The following LYG1 variants were observed in gnomAD, a reference collection of about 807,000 sequenced individuals.
LYG1 encodes the protein lysozyme g1.
A neutral mutation model predicts 21.7 loss-of-function variants in LYG1; 17 were observed. The ratio of observed to expected loss-of-function variants is 0.78; its 90% confidence interval spans 0.54 to 1.18. LYG1 has a LOEUF of 1.18. Among genes scored for constraint, LYG1 ranks in the 50% most tolerant of loss-of-function variants. The pLI is 0.00. For synonymous variants in LYG1, 81 were observed against 87.4 expected (o/e 0.93, Z 0.41); for missense variants, 211 against 238.1 (o/e 0.89, Z 0.75).
chr2:99,295,251 A>T (rs2094133162), intron 3 of LYG1, among the ~76,000 whole-genome samples: 1 of 152,202 alleles, frequency 6.6e-6, no homozygotes, highest in African/African-American at 2.4e-5. Flanking sequence ...CTGGTTTTCT[A>T]TTTGAATTAG....
intron 4 of LYG1, among the ~76,000 whole-genome samples, chr2:99,291,734 A>G (rs1334147327): frequency 1.3e-5 from 2 of 152,132 alleles, no homozygotes; most frequent in Admixed American, 6.5e-5. Context: ...GTCCCATTCT[A>G]AGCACCCCAA....
upstream of LYG1, among the ~76,000 whole-genome samples, chr2:99,301,717 CAAA>C (rs10688800): frequency 6.3e-5 from 9 of 143,738 alleles, no homozygotes; most frequent in East Asian, 4.2e-4. Context: ...GACTGTGTTC[CAAA>C]AAAAAAACTT....
At chr2:99,286,226 A>C (rs2105288872) in intron 5 of LYG1, among the ~76,000 whole-genome samples, 2 of 152,288 alleles carry the variant, frequency 1.3e-5, no homozygotes, top group Admixed American at 1.3e-4. Flanking sequence ...GTAAGTAATA[A>C]ATTTTATTTT....
intron 1 of LYG1, among the ~76,000 whole-genome samples, chr2:99,299,057 G>A (rs997451818): frequency 6.6e-6 from 1 of 151,728 alleles, no homozygotes; most frequent in Non-Finnish European, 1.5e-5. Context: ...TCAGCCTCCT[G>A]AGTAGCTGAG....
chr2:99,299,284 CTTTTTTT>C (rs759326268), intron 1 of LYG1, among the ~76,000 whole-genome samples: 1 of 124,650 alleles, frequency 8.0e-6, no homozygotes, highest in Non-Finnish European at 1.7e-5. Context: ...TTCTTTTTTT[CTTTTTTT>C]TTTTTTTTTA....
chr2:99,298,245 A>G (rs1015219562), intron 2 of LYG1, among the ~76,000 whole-genome samples: 10 of 152,160 alleles, frequency 6.6e-5, no homozygotes, highest in Non-Finnish European at 1.5e-4. Flanking sequence ...TGTCAGACCA[A>G]GGCAGCACAG....
At position 99,284,707 on chromosome 2, in the gene LYG1, G is replaced by A; in HGVS notation, c.447C>T (p.Thr149=). The A allele has an allele frequency of 6.2e-7, 1 of 1,614,140 alleles. No homozygotes were observed. The highest frequency in any genetic ancestry group is 1.1e-5 in the South Asian group (1 of 91,078). Residue 149 remains threonine (T), a synonymous_variant, in exon 6 of 7, where the codon ACC becomes ACT. Coordinates refer to ENST00000308528, the MANE Select transcript of LYG1 (RefSeq NM_174898.3). ...ACGTACCTCTCAGGTACTGGTCAGG[G>A]GTCCAGGTTGGAAACCTCCTCTGGA... ...KEIQRRFPTW[T]PDQYLRGGLC... is the part of the protein sequence containing the mutation.
upstream of LYG1, among the ~76,000 whole-genome samples, chr2:99,303,949 A>T (rs1181683378): frequency 6.6e-6 from 1 of 152,174 alleles, no homozygotes; most frequent in Non-Finnish European, 1.5e-5. Flanking sequence ...AGGCAGGCGG[A>T]TCACGAGCTC....
At chr2:99,290,654 T>G (rs899551321) in intron 5 of LYG1, among the ~76,000 whole-genome samples, 1 of 152,170 alleles carries the variant, frequency 6.6e-6, no homozygotes, top group Non-Finnish European at 1.5e-5. Flanking sequence ...GCAGAGTTAA[T>G]TCAACAGTGG....
At position 99,291,514 on chromosome 2, in the gene LYG1, G is replaced by T. The variant is rs1574883255; in HGVS notation, c.149-93C>A. On this transcript the variant is annotated intron_variant, in intron 4 of 6. Coordinates refer to ENST00000308528, the MANE Select transcript of LYG1 (RefSeq NM_174898.3). Reference sequence around the variant, plus strand: ...GAGAGAAAGAACAATCCAAGGATCTGAGTAATGGTCGAGGACTGACAATCC... The same window carrying T: ...GAGAGAAAGAACAATCCAAGGATCTTAGTAATGGTCGAGGACTGACAATCC... 16 of 1,375,842 alleles carry T rather than the reference G, an allele frequency of 1.2e-5. No individual in the cohort carries two copies. The South Asian group carries it at 2.0e-4, about 17-fold the overall frequency. 85.2% of individuals were successfully genotyped at this position (1,375,842 alleles called of 1,614,324 possible). A position where few individuals can be genotyped will look rare whatever the true frequency, so the allele number is the denominator to read the frequency against.
intron 3 of LYG1, among the ~76,000 whole-genome samples, chr2:99,293,544 A>G (rs1449368726): frequency 2.0e-5 from 3 of 152,204 alleles, no homozygotes; most frequent in Non-Finnish European, 2.9e-5. Context: ...GCATGGGACC[A>G]GTCTCCACAT....
upstream of LYG1, among the ~76,000 whole-genome samples, chr2:99,303,975 T>C (rs1231264818): frequency 6.6e-6 from 1 of 152,074 alleles, no homozygotes; most frequent in African/African-American, 2.4e-5. Flanking sequence ...ATAGAGAACA[T>C]CCTGGCTAAC....
intron 2 of LYG1, 49 bp downstream of exon 2, chr2:99,298,410 C>G (rs1287761912): frequency 6.6e-6 from 1 of 152,300 alleles, no homozygotes; most frequent in Non-Finnish European, 1.5e-5. Context: ...CCCTCAGGAG[C>G]TACCTCATGT....
rs370542079 is a variant in LYG1 at position 99,284,683 on chromosome 2, C to T, written c.466+5G>A. On this transcript the variant is annotated splice_donor_5th_base_variant and intron_variant, in intron 6 of 6. Coordinates refer to ENST00000308528, the MANE Select transcript of LYG1 (RefSeq NM_174898.3). ...GAGACAACTGACTGATAGCGTTACA[C>T]GTACCTCTCAGGTACTGGTCAGGGG... The T allele has an allele frequency of 3.0e-5, 49 of 1,613,558 alleles. No individual in the cohort carries two copies. The highest frequency in any genetic ancestry group is 3.8e-5 in the Non-Finnish European group (45 of 1,179,682).
chr2:99,301,989 AGAGGG>A (rs1181686411), upstream of LYG1, among the ~76,000 whole-genome samples: 1 of 152,174 alleles, frequency 6.6e-6, no homozygotes, highest in East Asian at 1.9e-4. Context: ...CATGACTGAA[AGAGGG>A]AGCCCCCTCC....
intron 1 of LYG1, among the ~76,000 whole-genome samples, chr2:99,298,908 T>C (rs2094145430): frequency 6.6e-6 from 1 of 152,142 alleles, no homozygotes; most frequent in Admixed American, 6.6e-5. Flanking sequence ...AATTTTAATT[T>C]TAATTACTTT....
rs1441220056 is a variant in LYG1, at chr2:99,284,296, A to C, written c.*97T>G. The C allele has an allele frequency of 1.8e-5, 19 of 1,040,784 alleles. No homozygotes were observed. In the East Asian group the frequency reaches 2.4e-4, roughly 13 times the overall value. 64.5% of individuals were successfully genotyped at this position (1,040,784 alleles called of 1,614,324 possible). On this transcript the variant is annotated 3_prime_UTR_variant, in exon 7 of 7. Coordinates refer to ENST00000308528, the MANE Select transcript of LYG1 (RefSeq NM_174898.3). Reference sequence around the variant, plus strand: ...TGTTATTTTAATGACTTTTAGGTCAAACTCAGATTCCCAGTTACAGGTGCC... The same window carrying C: ...TGTTATTTTAATGACTTTTAGGTCACACTCAGATTCCCAGTTACAGGTGCC...
In LYG1 at chr2:99,284,461, C is replaced by G; in HGVS notation, c.517G>C (p.Asp173His). The G allele has an allele frequency of 1.2e-6, 2 of 1,614,184 alleles. No homozygotes were observed. Among genetic ancestry groups the G allele is most frequent in the Non-Finnish European group, 1.7e-6 (2 of 1,180,040 alleles). ...TCATTGCAGAAGTCACAGCTCAGGT[C>G]CTGGCTGCTTCGGACATAGCCAGCA... is the stretch of plus-strand genomic sequence containing the variant. ...GGAGYVRSSQ[D>H]LSCDFCNDVL... The change falls in exon 7 of 7, where the codon GAC (aspartate) becomes CAC (histidine). Residue 173 changes from aspartate (D) to histidine (H), a missense_variant. Transcript: ENST00000308528.
At chr2:99,300,074 C>G (rs1206085675) in intron 1 of LYG1, among the ~76,000 whole-genome samples, 1 of 134,974 alleles carries the variant, frequency 7.4e-6, no homozygotes, top group African/African-American at 2.6e-5. Flanking sequence ...TATTCTGCCA[C>G]TAAGATCTTT....
Sources: allele counts gnomAD v4.1 joint callset (sites outside exome capture counted in the v4.1 genomes callset), GRCh38; gene constraint gnomAD v4.1.1; transcripts MANE v1.5; gene names NCBI Gene and HGNC (gene_info 2026-07-23, HGNC 2026-07-21).